SENP8: variants seen among roughly 807,000 people sequenced by gnomAD.
SENP8 encodes the protein SUMO peptidase family member, NEDD8 specific.
In SENP8, 10 loss-of-function variants were observed where a neutral mutation model predicts 14.4. The observed-to-expected ratio is 0.69, with a 90% confidence interval of 0.43 to 1.18. The LOEUF is 1.18. Among genes scored for constraint, SENP8 ranks in the 50% most tolerant of loss-of-function variants. The probability of loss-of-function intolerance (pLI) is 0.00; values close to 1 mark genes in which losing one functional copy is unlikely to be tolerated. For synonymous variants in SENP8, 94 were observed against 95.5 expected (o/e 0.98, Z 0.09); for missense variants, 202 against 249.4 (o/e 0.81, Z 1.28).
At chr15:72,115,423 T>A (rs561676650), upstream of SENP8, among the ~76,000 whole-genome samples, 42 of 152,074 alleles carry the variant, frequency 2.8e-4, no homozygotes, top group African/African-American at 9.6e-4. Flanking sequence ...AAAAACAAAA[T>A]CCCACTCCTT....
chr15:72,138,685 A>G (rs1214633700), intron 1 of SENP8, among the ~76,000 whole-genome samples: 1 of 150,996 alleles, frequency 6.6e-6, no homozygotes, highest in Non-Finnish European at 1.5e-5. Context: ...AAAATACGCC[A>G]GGTGCGGTGG....
chr15:72,118,174 G>A (rs2081077305), upstream of SENP8: 2 of 366,616 alleles, frequency 5.5e-6, no homozygotes, highest in Admixed American at 4.6e-5. Context: ...GCCCCCTACT[G>A]CCAGCACGGG....
intron 1 of SENP8, among the ~76,000 whole-genome samples, chr15:72,126,537 A>G (rs1224319837): frequency 2.0e-5 from 3 of 152,176 alleles, no homozygotes; most frequent in African/African-American, 7.2e-5. Flanking sequence ...AAGCAGGAGA[A>G]TCGCTTGAAC....
In SENP8 at chr15:72,139,965, C is replaced by G. The variant is rs779233290; in HGVS notation, c.342C>G (p.Ser114Arg). The change falls in exon 2 of 2, where the codon AGC becomes AGG. Residue 114 changes from serine (S) to arginine (R), a missense_variant. Ser to Arg is a moderately radical substitution (Grantham distance 110). Coordinates refer to ENST00000340912, the MANE Select transcript of SENP8 (RefSeq NM_145204.4). ...SLLVYLQDKN[S>R]FFHYDSHSRS... ...TGGTCTACCTCCAAGATAAAAATAGCTTTTTTCATTATGATTCCCATAGCA... is the reference window on the plus strand; with the variant it reads ...TGGTCTACCTCCAAGATAAAAATAGGTTTTTTCATTATGATTCCCATAGCA... 6.2e-7 allele frequency: 1 copy of G among 1,614,168 alleles called. No individual in the cohort carries two copies. Among genetic ancestry groups the G allele is most frequent in the Non-Finnish European group, 8.5e-7 (1 of 1,180,036 alleles).
Position 72,139,734 on chromosome 15 carries a change from G to T in SENP8, c.111G>T (p.Glu37Asp), listed in dbSNP as rs1024001922. The change falls in exon 2 of 2, where the codon GAG becomes GAT. Residue 37 changes from glutamate (E) to aspartate (D), a missense_variant. Glu to Asp is a conservative substitution (Grantham distance 45). Coordinates refer to ENST00000340912, the MANE Select transcript of SENP8 (RefSeq NM_145204.4). ...ACCATATTATTGGGTTTGCGTTTGA[G>T]TACTTTGCCAACAGTCAGTTTCATG... ...LNDHIIGFAF[E>D]YFANSQFHDC... 2 of 1,614,050 alleles carry T rather than the reference G, an allele frequency of 1.2e-6. No individual in the cohort carries two copies. Among genetic ancestry groups the T allele is most frequent in the East Asian group, 2.2e-5 (1 of 44,896 alleles).
intron 1 of SENP8, among the ~76,000 whole-genome samples, chr15:72,130,742 T>C (rs1380868431): frequency 6.6e-6 from 1 of 151,952 alleles, no homozygotes; most frequent in African/African-American, 2.4e-5. Flanking sequence ...TTTGTATTTT[T>C]AATAGAGACA....
intron 1 of SENP8, among the ~76,000 whole-genome samples, chr15:72,123,333 C>T (rs1396337073): frequency 6.6e-6 from 1 of 152,166 alleles, no homozygotes; most frequent in Non-Finnish European, 1.5e-5. Flanking sequence ...TCTGTCTACA[C>T]CTTTATAAAA....
chr15:72,130,321 C>T, intron 1 of SENP8, among the ~76,000 whole-genome samples: 1 of 152,134 alleles, frequency 6.6e-6, no homozygotes, highest in East Asian at 1.9e-4. Flanking sequence ...GATTACATAA[C>T]AGTGATCTAG....
chr15:72,138,535 A>G (rs983344611), intron 1 of SENP8, among the ~76,000 whole-genome samples: 2 of 151,038 alleles, frequency 1.3e-5, no homozygotes. Context: ...TTTTTAGTAG[A>G]GATGGGGTTT....
At chr15:72,123,112 C>T (rs539360183) in intron 1 of SENP8, among the ~76,000 whole-genome samples, 1 of 152,288 alleles carries the variant, frequency 6.6e-6, no homozygotes, top group Non-Finnish European at 1.5e-5. Flanking sequence ...CAATTTACCT[C>T]TTAACTATCT....
chr15:72,127,804 T>C (rs1466675696), intron 1 of SENP8, among the ~76,000 whole-genome samples: 1 of 152,178 alleles, frequency 6.6e-6, no homozygotes, highest in Non-Finnish European at 1.5e-5. Flanking sequence ...ATGGAAAGCA[T>C]TGGACAGATT....
At chr15:72,117,438 C>A (rs537936875), upstream of SENP8, among the ~76,000 whole-genome samples, 2 of 151,638 alleles carry the variant, frequency 1.3e-5, no homozygotes, top group African/African-American at 2.4e-5. Flanking sequence ...TTGGGGGGAC[C>A]GTGACAGAAT....
chr15:72,128,167 GA>G (rs1333287841), intron 1 of SENP8, among the ~76,000 whole-genome samples: 1 of 151,548 alleles, frequency 6.6e-6, no homozygotes, highest in African/African-American at 2.4e-5. Context: ...GAGAGAGAAA[GA>G]AAAAAACTAA....
At chr15:72,115,484 A>G (rs2080938278), upstream of SENP8, among the ~76,000 whole-genome samples, 1 of 152,226 alleles carries the variant, frequency 6.6e-6, no homozygotes, top group Non-Finnish European at 1.5e-5. Flanking sequence ...CCTAGATTTT[A>G]TCCTGTATGC....
intron 1 of SENP8, among the ~76,000 whole-genome samples, chr15:72,136,740 A>G (rs1180033111): frequency 2.0e-5 from 3 of 152,234 alleles, no homozygotes; most frequent in Non-Finnish European, 2.9e-5. Context: ...AATTGATGTC[A>G]TAATTCTAGT....
chr15:72,120,694 T>C (rs950161819), intron 1 of SENP8, among the ~76,000 whole-genome samples: 4 of 152,242 alleles, frequency 2.6e-5, no homozygotes, highest in African/African-American at 9.6e-5. Flanking sequence ...ATGTGTGATA[T>C]ATATGCACTT....
intron 1 of SENP8, among the ~76,000 whole-genome samples, chr15:72,118,909 G>A (rs2081108227): frequency 6.6e-6 from 1 of 152,094 alleles, no homozygotes; most frequent in Non-Finnish European, 1.5e-5. Context: ...GGTGACTTTT[G>A]GGTCACTTTT....
chr15:72,128,588 T>C (rs1321719291), intron 1 of SENP8, among the ~76,000 whole-genome samples: 5 of 152,276 alleles, frequency 3.3e-5, no homozygotes, highest in Admixed American at 2.6e-4. Context: ...AAGTTTATGT[T>C]AATAATTAAA....
At chr15:72,119,649 A>G (rs1409754260) in intron 1 of SENP8, among the ~76,000 whole-genome samples, 2 of 152,144 alleles carry the variant, frequency 1.3e-5, no homozygotes, top group South Asian at 2.1e-4. Flanking sequence ...TCGGGAGGCC[A>G]AGGCAGGAGA....
Sources: gnomAD v4.1 joint callset for allele counts (sites outside exome capture counted in the v4.1 genomes callset) on GRCh38, gnomAD v4.1.1 for gene constraint, MANE v1.5 for transcripts, NCBI Gene and HGNC (gene_info 2026-07-23, HGNC 2026-07-21) for gene names.